BSPH1: variants seen among roughly 807,000 people sequenced by gnomAD.
BSPH1 encodes binder of sperm protein homolog 1, also known as binder of sperm 1.
BSPH1 carries 21 observed loss-of-function variants against 22.5 expected under a neutral mutation model. The ratio of observed to expected loss-of-function variants is 0.93; its 90% confidence interval spans 0.66 to 1.35. The LOEUF (loss-of-function observed/expected upper bound fraction) is 1.35, where lower values mean the gene tolerates loss of function less well. Among genes scored for constraint, BSPH1 ranks in the 40% most tolerant of loss-of-function variants. BSPH1 has a pLI of 0.00. For missense variants in BSPH1, 141 were observed against 154.2 expected (o/e 0.91, Z 0.45); for synonymous variants, 42 against 53.6 (o/e 0.78, Z 0.95).
intron 2 of BSPH1, among the ~76,000 whole-genome samples, 161 bp from the exon 3 acceptor site, chr19:47,979,760 C>T (rs1253828051): frequency 1.3e-5 from 2 of 152,000 alleles, no homozygotes; most frequent in Non-Finnish European, 2.9e-5. Context: ...TGCTCTTTTT[C>T]AAAATGTATT....
At chr19:47,980,808 A>G in intron 2 of BSPH1, 113 bp downstream of exon 2, 2 of 637,698 alleles carry the variant, frequency 3.1e-6, no homozygotes, top group Non-Finnish European at 5.5e-6. Flanking sequence ...ATAAAATAGT[A>G]ATCTTTAATG....
intron 1 of BSPH1, among the ~76,000 whole-genome samples, chr19:47,985,420 G>GAGAA (rs1250145486): frequency 4.6e-5 from 7 of 152,166 alleles, no homozygotes; most frequent in Non-Finnish European, 1.0e-4. Flanking sequence ...AGAAGTGAAG[G>GAGAA]AGAAAGAAAG....
chr19:47,988,316 C>T (rs927119949), intron 1 of BSPH1, among the ~76,000 whole-genome samples: 2 of 152,280 alleles, frequency 1.3e-5, no homozygotes, highest in African/African-American at 2.4e-5. Context: ...CTGAGCGTCA[C>T]GCATGCTAAC....
chr19:47,975,877 G>T (rs1390009635), intron 5 of BSPH1, among the ~76,000 whole-genome samples: 1 of 151,604 alleles, frequency 6.6e-6, no homozygotes, highest in Non-Finnish European at 1.5e-5. Flanking sequence ...GGACGGTCTC[G>T]ATCTCCTGAC....
intron 1 of BSPH1, among the ~76,000 whole-genome samples, chr19:47,987,652 C>T (rs1426824494): frequency 1.3e-5 from 2 of 152,072 alleles, no homozygotes; most frequent in Non-Finnish European, 2.9e-5. Context: ...CTATGCATGG[C>T]CAGAGCTTGT....
Position 47,976,871 on chromosome 19 carries a change from G to A in BSPH1, c.257-17C>T, listed in dbSNP as rs1341966695. ...TTGCAAAATCTGCAGAGGAGGAAGAGGAAGAAGCAGAGTAAGAAACCTTTC... is the reference window on the plus strand; with the variant it reads ...TTGCAAAATCTGCAGAGGAGGAAGAAGAAGAAGCAGAGTAAGAAACCTTTC... On this transcript the variant is annotated splice_polypyrimidine_tract_variant and intron_variant, in intron 4 of 5. Coordinates refer to ENST00000344839, the MANE Select transcript of BSPH1 (RefSeq NM_001128326.2). 1.3e-6 allele frequency: 2 copies of A among 1,550,442 alleles called. No individual in the cohort carries two copies. The highest frequency in any genetic ancestry group is 1.2e-5 in the South Asian group (1 of 83,838).
intron 1 of BSPH1, among the ~76,000 whole-genome samples, chr19:47,988,862 C>T (rs62131791): frequency 0.17 from 26,328 of 151,980 alleles, 2,529 homozygotes; most frequent in Non-Finnish European, 0.21. Context: ...ATTCCTAGCC[C>T]TGGAACAAGA....
intron 1 of BSPH1, among the ~76,000 whole-genome samples, chr19:47,981,218 AT>A (rs1568397560): frequency 6.6e-6 from 1 of 151,396 alleles, no homozygotes. Flanking sequence ...CTTTTCTCAC[AT>A]TTTTCTATAA....
chr19:47,973,897 T>G (rs918925645), intron 5 of BSPH1, among the ~76,000 whole-genome samples: 4 of 152,220 alleles, frequency 2.6e-5, no homozygotes, highest in African/African-American at 9.7e-5. Context: ...CTTATGATCT[T>G]TCTTTTGCAC....
intron 5 of BSPH1, among the ~76,000 whole-genome samples, chr19:47,974,610 A>G (rs1969344317): frequency 6.7e-6 from 1 of 148,392 alleles, no homozygotes; most frequent in South Asian, 2.2e-4. Context: ...CCTCCTTTCC[A>G]TTCTCTCCTA....
chr19:47,971,250 C>T (rs1164209449), intron 5 of BSPH1, among the ~76,000 whole-genome samples: 1 of 152,156 alleles, frequency 6.6e-6, no homozygotes, highest in Non-Finnish European at 1.5e-5. Flanking sequence ...ATCTTCCAGG[C>T]TGGAGTGCAG....
chr19:47,986,879 C>T (rs1462632711), intron 1 of BSPH1, among the ~76,000 whole-genome samples: 1 of 152,228 alleles, frequency 6.6e-6, no homozygotes, highest in Non-Finnish European at 1.5e-5. Context: ...TTGGTTCCTT[C>T]TTAGGAGCTC....
chr19:47,974,269 C>T (rs10410536), intron 5 of BSPH1, among the ~76,000 whole-genome samples: 3,722 of 75,994 alleles, frequency 0.049, 130 homozygotes, highest in Non-Finnish European at 0.057. Flanking sequence ...CTCTCTCTCT[C>T]TTTTTTTTTT....
At chr19:47,991,294 C>T (rs969244279) in intron 1 of BSPH1, among the ~76,000 whole-genome samples, 1 of 152,088 alleles carries the variant, frequency 6.6e-6, no homozygotes, top group South Asian at 2.1e-4. Flanking sequence ...TCGTGGTCGA[C>T]CAGCTGATGT....
At chr19:47,974,467 G>T (rs1315414226) in intron 5 of BSPH1, among the ~76,000 whole-genome samples, 1 of 151,550 alleles carries the variant, frequency 6.6e-6, no homozygotes, top group Admixed American at 6.6e-5. Context: ...ACAGGGTTTC[G>T]CCGTGTTGGC....
chr19:47,968,611 C>G (rs1222647292), intron 5 of BSPH1, among the ~76,000 whole-genome samples: 1 of 147,952 alleles, frequency 6.8e-6, no homozygotes, highest in Non-Finnish European at 1.5e-5. Flanking sequence ...TATGATGGCA[C>G]CACTGCACTG....
At chr19:47,978,900 C>T (rs1969393129) in intron 3 of BSPH1, among the ~76,000 whole-genome samples, 1 of 152,164 alleles carries the variant, frequency 6.6e-6, no homozygotes, top group African/African-American at 2.4e-5. Context: ...TATTTTCTTT[C>T]AAACATATTT....
intron 1 of BSPH1, among the ~76,000 whole-genome samples, chr19:47,985,719 C>T (rs568668316): frequency 4.6e-5 from 7 of 151,880 alleles, no homozygotes; most frequent in Non-Finnish European, 8.8e-5. Flanking sequence ...CCTATAATCC[C>T]AGCTACTGAG....
At chr19:47,971,427 A>G (rs933664641) in intron 5 of BSPH1, among the ~76,000 whole-genome samples, 12 of 152,126 alleles carry the variant, frequency 7.9e-5, no homozygotes, top group Non-Finnish European at 1.2e-4. Context: ...GCTGGTCTCG[A>G]ATTTCTGACC....
Sources: allele counts gnomAD v4.1 joint callset (sites outside exome capture counted in the v4.1 genomes callset), GRCh38; gene constraint gnomAD v4.1.1; transcripts MANE v1.5; gene names NCBI Gene and HGNC (gene_info 2026-07-23, HGNC 2026-07-21).